Variants in SMARCC1 observed in about 807,000 individuals in gnomAD.
SMARCC1 encodes SWI/SNF complex subunit SMARCC1.
A neutral mutation model predicts 147.4 loss-of-function variants in SMARCC1; 43 were observed. The observed-to-expected ratio is 0.29, with a 90% CI of 0.23 to 0.38. The LOEUF (loss-of-function observed/expected upper bound fraction) is 0.38, where lower values mean the gene tolerates loss of function less well. Ranked by LOEUF, SMARCC1 falls within the 10% of genes least tolerant of loss-of-function variation. The pLI, the probability that SMARCC1 is intolerant of heterozygous loss-of-function variation, is 1.00. For missense variants in SMARCC1, 1,119 were observed against 1,381.1 expected (o/e 0.81, Z 3.01); for synonymous variants, 495 against 484.4 (o/e 1.02, Z -0.29).
intron 14 of SMARCC1, among the ~76,000 whole-genome samples, chr3:47,682,831 T>C (rs2033671765): frequency 6.6e-6 from 1 of 152,198 alleles, no homozygotes; most frequent in African/African-American, 2.4e-5. Flanking sequence ...CATAATTTTA[T>C]TGTGAGCCAA....
chr3:47,723,019 C>T (rs1427256601), intron 6 of SMARCC1, among the ~76,000 whole-genome samples: 2 of 152,084 alleles, frequency 1.3e-5, no homozygotes, highest in East Asian at 1.9e-4. Flanking sequence ...CCTGGTACCT[C>T]GCCCTGGAAT....
intron 25 of SMARCC1, among the ~76,000 whole-genome samples, chr3:47,611,078 T>C (rs952631059): frequency 2.0e-5 from 3 of 152,252 alleles, no homozygotes; most frequent in African/African-American, 7.2e-5. Context: ...CAGTATTATA[T>C]GTTTAGTTCA....
At chr3:47,683,978 C>A (rs1450551323) in intron 14 of SMARCC1, among the ~76,000 whole-genome samples, 1 of 151,208 alleles carries the variant, frequency 6.6e-6, no homozygotes, top group East Asian at 1.9e-4. Flanking sequence ...CTCGGCCGGG[C>A]GCGGTGGCTC....
chr3:47,625,527 G>A (rs980901900), intron 24 of SMARCC1, among the ~76,000 whole-genome samples: 1 of 152,000 alleles, frequency 6.6e-6, no homozygotes, highest in Admixed American at 6.6e-5. Flanking sequence ...GAGCCACCGT[G>A]CCCAGCCTAC....
chr3:47,687,512 C>A (rs2033740260), intron 13 of SMARCC1, among the ~76,000 whole-genome samples: 1 of 150,594 alleles, frequency 6.6e-6, no homozygotes, highest in Non-Finnish European at 1.5e-5. Context: ...ACCTCTAATC[C>A]TTTTAAGATA....
At chr3:47,752,895 T>C (rs1018386968) in intron 2 of SMARCC1, among the ~76,000 whole-genome samples, 1 of 152,200 alleles carries the variant, frequency 6.6e-6, no homozygotes, top group Non-Finnish European at 1.5e-5. Flanking sequence ...AGGCTGCCTC[T>C]ACTCTCAACT....
chr3:47,757,742 C>T (rs1422296743), intron 2 of SMARCC1, among the ~76,000 whole-genome samples: 3 of 150,546 alleles, frequency 2.0e-5, no homozygotes, highest in African/African-American at 7.3e-5. Flanking sequence ...CGAGATCCCG[C>T]CACTGCACTC....
intron 24 of SMARCC1, among the ~76,000 whole-genome samples, chr3:47,626,329 T>A (rs2032809330): frequency 6.6e-6 from 1 of 151,594 alleles, no homozygotes; most frequent in African/African-American, 2.4e-5. Context: ...GTATTTTTAG[T>A]AGAGACGGGG....
At chr3:47,708,106 T>C (rs1210357321) in intron 9 of SMARCC1, among the ~76,000 whole-genome samples, 1 of 122,960 alleles carries the variant, frequency 8.1e-6, no homozygotes, top group South Asian at 2.8e-4. Context: ...TTTTTTTTTT[T>C]TTTTTTTTTT....
intron 26 of SMARCC1, among the ~76,000 whole-genome samples, chr3:47,594,904 A>G (rs1308281053): frequency 6.6e-6 from 1 of 152,162 alleles, no homozygotes; most frequent in Non-Finnish European, 1.5e-5. Flanking sequence ...AGACCTTGAT[A>G]AGATCTGCAT....
At chr3:47,662,865 G>A (rs2033366288) in intron 19 of SMARCC1, among the ~76,000 whole-genome samples, 1 of 151,270 alleles carries the variant, frequency 6.6e-6, no homozygotes, top group African/African-American at 2.4e-5. Flanking sequence ...CTGAGGTCAG[G>A]AGTTCGAGAG....
At chr3:47,613,407 G>A (rs1402074628) in intron 25 of SMARCC1, among the ~76,000 whole-genome samples, 2 of 148,060 alleles carry the variant, frequency 1.4e-5, no homozygotes, top group East Asian at 1.9e-4. Context: ...TTTTTGAGAC[G>A]GAGTCTTGCT....
chr3:47,601,339 G>C (rs1030608497), intron 26 of SMARCC1, among the ~76,000 whole-genome samples: 6 of 152,124 alleles, frequency 3.9e-5, no homozygotes, highest in Non-Finnish European at 7.4e-5. Flanking sequence ...AAAAGAAAGT[G>C]AATCTAGGAA....
chr3:47,759,862 G>A (rs576014562), intron 2 of SMARCC1, among the ~76,000 whole-genome samples: 141 of 152,070 alleles, frequency 9.3e-4, no homozygotes, highest in African/African-American at 3.2e-3. Flanking sequence ...GCTTGAACTC[G>A]GGAGGCTGAG....
intron 26 of SMARCC1, among the ~76,000 whole-genome samples, chr3:47,600,998 T>TGAGAGAGAGAGA (rs66582985): frequency 0.027 from 2,259 of 85,018 alleles, 286 homozygotes; most frequent in Non-Finnish European, 0.032. Context: ...AGGAAGAAAA[T>TGAGAGAGAGAGA]GAGAGAGAGA....
At chr3:47,588,481 T>C (rs562790759) in intron 27 of SMARCC1, among the ~76,000 whole-genome samples, 175 bp from the exon 28 acceptor site, 58 of 152,144 alleles carry the variant, frequency 3.8e-4, no homozygotes, top group Non-Finnish European at 8.1e-4. Context: ...TCTGAACCTC[T>C]AGGGCACTGC....
At chr3:47,752,086 AAACAAC>A (rs889493269) in intron 2 of SMARCC1, among the ~76,000 whole-genome samples, 1 of 152,122 alleles carries the variant, frequency 6.6e-6, no homozygotes. Flanking sequence ...TTCATCTCAA[AAACAAC>A]AACAACAACA....
chr3:47,650,939 A>C (rs1408940475), intron 21 of SMARCC1, among the ~76,000 whole-genome samples: 3 of 152,236 alleles, frequency 2.0e-5, no homozygotes, highest in Admixed American at 1.3e-4. Flanking sequence ...TCTGCATAAT[A>C]AATCAATTTA....
chr3:47,737,448 T>C (rs1393697853), intron 4 of SMARCC1, among the ~76,000 whole-genome samples: 3 of 151,988 alleles, frequency 2.0e-5, no homozygotes, highest in Non-Finnish European at 1.5e-5. Flanking sequence ...AAACAATACA[T>C]TAGGTAAAAT....
Sources: gnomAD v4.1 joint callset for allele counts (sites outside exome capture counted in the v4.1 genomes callset) on GRCh38, gnomAD v4.1.1 for gene constraint, MANE v1.5 for transcripts, NCBI Gene and HGNC (gene_info 2026-07-23, HGNC 2026-07-21) for gene names.